The following ESF1 variants were observed in gnomAD, a reference collection of about 807,000 sequenced individuals.
ESF1 encodes ESF1 nucleolar pre-rRNA processing protein.
ESF1 carries 58 observed loss-of-function variants against 92.0 expected under a neutral mutation model. The ratio of observed to expected loss-of-function variants is 0.63; its 90% CI spans 0.51 to 0.78. The LOEUF is 0.78. Among genes scored for constraint, ESF1 ranks in the 30% least tolerant of loss-of-function variants. The probability of loss-of-function intolerance (pLI) is 0.00; values close to 1 mark genes in which losing one functional copy is unlikely to be tolerated. For missense variants in ESF1, 922 were observed against 989.1 expected (o/e 0.93, Z 0.91); for synonymous variants, 321 against 313.7 (o/e 1.02, Z -0.24).
chr20:13,772,593 T>A lies in ESF1; in HGVS notation c.1172A>T (p.Lys391Met). ...SVKIYPSEFGKERMKEEQVQG... is the reference protein window; with the variant it reads ...SVKIYPSEFGMERMKEEQVQG... ...AACTTGCTCTTCCTTCATCCTCTCC[T>A]TTCCAAATTCTGAAGGATATATCTA... The change falls in exon 5 of 14, where the codon AAG becomes ATG. Residue 391 changes from lysine (K) to methionine (M), a missense_variant. Physicochemically the swap from Lys to Met is moderately conservative, Grantham distance 95. Coordinates refer to ENST00000617257, the MANE Select transcript of ESF1 (RefSeq NM_001276380.2). 3 of 1,612,152 alleles carry A rather than the reference T, an allele frequency of 1.9e-6. No individual in the cohort carries two copies. Among genetic ancestry groups the A allele is most frequent in the Non-Finnish European group, 2.5e-6 (3 of 1,178,928 alleles).
chr20:13,782,692 G>T lies in ESF1; in HGVS notation c.449C>A (p.Ser150Ter). Residue 150 changes from serine to a stop codon, truncating the protein, a stop_gained, in exon 2 of 14, where the codon TCA (serine) becomes TAA (stop). Coordinates refer to ENST00000617257, the MANE Select transcript of ESF1 (RefSeq NM_001276380.2). LOFTEE classifies it high-confidence loss of function. ...MKTSCKFKID[S>*]NISPKKDSKE... ...GCTATCCTTCTTCGGACTTATGTTT[G>T]AATCTATCTTAAATTTACATGAGGT... 6.3e-7 allele frequency: 1 copy of T among 1,589,040 alleles called. No homozygotes were observed. The highest frequency in any genetic ancestry group is 1.2e-5 in the South Asian group (1 of 84,702).
At chr20:13,727,974 T>G (rs1317239285) in intron 11 of ESF1, among the ~76,000 whole-genome samples, 1 of 152,222 alleles carries the variant, frequency 6.6e-6, no homozygotes, top group African/African-American at 2.4e-5. Context: ...ATACTTTTAA[T>G]TCTTGATAGA....
At chr20:13,729,257 AAAACAAAC>A (rs946038088) in intron 10 of ESF1, among the ~76,000 whole-genome samples, 1 of 152,246 alleles carries the variant, frequency 6.6e-6, no homozygotes, top group East Asian at 1.9e-4. Context: ...ACTCCGTCTC[AAAACAAAC>A]AAACAAACAA....
At position 13,769,854 on chromosome 20, in the gene ESF1, C is replaced by G. The variant is rs145675019; in HGVS notation, c.1518+53G>C. On this transcript the variant is annotated intron_variant, in intron 7 of 13. Transcript: ENST00000617257. ...AGATGCTATAAGTAATATACAAAAT[C>G]TCTTCATAAAGCAATAGAGTCCAGC... 4,072 of 1,123,624 alleles carry G rather than the reference C, an allele frequency of 3.6e-3. 111 individuals are homozygous for G. In the African/African-American group the frequency reaches 0.054, roughly 15 times the overall value. 69.6% of individuals were successfully genotyped at this position (1,123,624 alleles called of 1,614,324 possible). A position where few individuals can be genotyped will look rare whatever the true frequency, so the allele number is the denominator to read the frequency against.
intron 9 of ESF1, among the ~76,000 whole-genome samples, chr20:13,742,606 T>C (rs1165738685): frequency 6.6e-6 from 1 of 152,176 alleles, no homozygotes; most frequent in Non-Finnish European, 1.5e-5. Flanking sequence ...TGATTCATCA[T>C]AGTAACACCT....
At chr20:13,721,355 G>A (rs1406189675) in intron 11 of ESF1, among the ~76,000 whole-genome samples, 1 of 152,154 alleles carries the variant, frequency 6.6e-6, no homozygotes, top group African/African-American at 2.4e-5. Flanking sequence ...TGAACAAGAG[G>A]TTAAAATCGT....
intron 2 of ESF1, among the ~76,000 whole-genome samples, chr20:13,780,404 C>T (rs1053832523): frequency 5.3e-5 from 8 of 152,236 alleles, no homozygotes; most frequent in African/African-American, 9.6e-5. Flanking sequence ...ACTTTGCTGC[C>T]GGTCCCACTC....
At chr20:13,781,309 T>C (rs1368095581) in intron 2 of ESF1, among the ~76,000 whole-genome samples, 2 of 152,238 alleles carry the variant, frequency 1.3e-5, no homozygotes, top group Admixed American at 6.5e-5. Flanking sequence ...AAATGGGATG[T>C]AAAATATACA....
chr20:13,725,761 T>C (rs965721091), intron 11 of ESF1, among the ~76,000 whole-genome samples: 1 of 152,218 alleles, frequency 6.6e-6, no homozygotes, highest in Non-Finnish European at 1.5e-5. Flanking sequence ...ACTATTTACA[T>C]GCTACTGATC....
intron 10 of ESF1, among the ~76,000 whole-genome samples, chr20:13,732,614 G>A (rs953598654): frequency 3.3e-5 from 5 of 152,144 alleles, no homozygotes; most frequent in Admixed American, 3.3e-4. Context: ...TGTAACCTCA[G>A]ACTAATCAGC....
chr20:13,767,011 T>G (rs981143532), intron 7 of ESF1, 87 bp from the exon 8 acceptor site: 10 of 1,269,250 alleles, frequency 7.9e-6, no homozygotes, highest in African/African-American at 1.5e-5. Context: ...TTAACCTGGA[T>G]GTTTAACAGT....
At chr20:13,719,588 A>T (rs2049853874) in intron 11 of ESF1, among the ~76,000 whole-genome samples, 1 of 152,046 alleles carries the variant, frequency 6.6e-6, no homozygotes. Context: ...CTGGAAAAAA[A>T]GATCAAATTA....
chr20:13,728,540 T>A (rs1294264483), intron 10 of ESF1, 75 bp from the exon 11 acceptor site: 1 of 1,172,750 alleles, frequency 8.5e-7, no homozygotes. Flanking sequence ...AGAAAAACTA[T>A]GCATTTCTTT....
At chr20:13,761,762 C>G (rs1176507113) in intron 8 of ESF1, among the ~76,000 whole-genome samples, 1 of 152,172 alleles carries the variant, frequency 6.6e-6, no homozygotes, top group Non-Finnish European at 1.5e-5. Flanking sequence ...TACAAAGAAA[C>G]ATTATAAAAT....
In ESF1 at chr20:13,765,531, G is replaced by A. The variant is rs557996629; in HGVS notation, c.1666+1246C>T. On this transcript the variant is annotated intron_variant, in intron 8 of 13. Transcript: ENST00000617257. ...ATCCACAGAACAAAGAGCTATGAAA[G>A]TCAATTGTGGTTTTAGCAGGCTTTC... Among the ~76,000 whole-genome samples the A allele has an allele frequency of 1.5e-3, 233 of 152,226 alleles. 1 individual carries two copies. The highest frequency in any genetic ancestry group is 5.2e-3 in the African/African-American group (217 of 41,536).
Position 13,749,007 on chromosome 20 carries a change from C to T in ESF1, c.1828+10685G>A, listed in dbSNP as rs570321635. 8.5e-5 allele frequency among the ~76,000 whole-genome samples: 13 copies of T among 152,194 alleles called. No individual in the cohort carries two copies. The East Asian group carries it at 2.5e-3, about 29-fold the overall frequency. Reference sequence around the variant, plus strand: ...CTAAAATAAAATATATTTTATGATGCTCTAAGCTGACAATGCTTAGGAAAA... The same window carrying T: ...CTAAAATAAAATATATTTTATGATGTTCTAAGCTGACAATGCTTAGGAAAA... On this transcript the variant is annotated intron_variant, in intron 9 of 13. Coordinates refer to ENST00000617257, the MANE Select transcript of ESF1 (RefSeq NM_001276380.2).
intron 1 of ESF1, among the ~76,000 whole-genome samples, chr20:13,784,241 A>G (rs1980483444): frequency 6.6e-6 from 1 of 150,974 alleles, no homozygotes; most frequent in South Asian, 2.1e-4. Context: ...GCATCTCTGG[A>G]TGGGAATTTT....
Position 13,714,844 on chromosome 20 carries a change from G to C in ESF1, c.*30C>G. The C allele has an allele frequency of 6.5e-7, 1 of 1,532,530 alleles. No individual in the cohort carries two copies. Among genetic ancestry groups the C allele is most frequent in the Non-Finnish European group, 8.8e-7 (1 of 1,133,180 alleles). 94.9% of individuals were successfully genotyped at this position (1,532,530 alleles called of 1,614,324 possible). ...ATTTTTGTACATTTTAGGAAAAGAT[G>C]TATTCAGTTCAAAAATAAGTAACAT... On this transcript the variant is annotated 3_prime_UTR_variant, in exon 14 of 14. Transcript: ENST00000617257.
chr20:13,752,445 C>T (rs184191508), intron 9 of ESF1, among the ~76,000 whole-genome samples: 3 of 152,188 alleles, frequency 2.0e-5, no homozygotes, highest in Admixed American at 6.5e-5. Context: ...CTTCTATACT[C>T]GATTCAAAAT....
Sources: allele counts gnomAD v4.1 joint callset (sites outside exome capture counted in the v4.1 genomes callset), GRCh38; gene constraint gnomAD v4.1.1; transcripts MANE v1.5; gene names NCBI Gene and HGNC (gene_info 2026-07-23, HGNC 2026-07-21).